Variants in POLR1C observed in about 807,000 individuals in gnomAD.
POLR1C encodes DNA-directed RNA polymerases I and III subunit RPAC1.
Under a neutral mutation model 38.3 loss-of-function variants are expected in POLR1C, and 42 were observed. That is an observed-to-expected ratio of 1.10 (90% CI 0.86 to 1.42). The LOEUF (loss-of-function observed/expected upper bound fraction) is 1.42. POLR1C is among the 40% of genes most tolerant of loss of function. The pLI, the probability that POLR1C is intolerant of heterozygous loss-of-function variation, is 0.00. For synonymous variants in POLR1C, 163 were observed against 163.9 expected, an observed-to-expected ratio of 0.99 and a Z score of 0.04; for missense variants, 507 against 450.5, an observed-to-expected ratio of 1.13 and a Z score of -1.14.
At chr6:43,560,889 C>T (rs374179626) in intron 10 of POLR1C, 1 of 1,553,256 alleles carries the variant, frequency 6.4e-7, no homozygotes, top group South Asian at 1.1e-5. Flanking sequence ...GTTCACCTAA[C>T]TAAACTTTTG....
At chr6:43,553,487 T>A in intron 10 of POLR1C, 1 of 1,558,696 alleles carries the variant, frequency 6.4e-7, no homozygotes, top group Non-Finnish European at 8.7e-7. Flanking sequence ...CTTCTCCAGT[T>A]CCAACTGCAG....
chr6:43,523,810 T>C (rs1296824416), downstream of POLR1C: 1 of 1,613,500 alleles, frequency 6.2e-7, no homozygotes, highest in Non-Finnish European at 8.5e-7. Context: ...AGAGATCGGC[T>C]ACAAAGGGAA....
chr6:43,562,029 T>C, exon 11 of POLR1C: 1 of 401,742 alleles, frequency 2.5e-6, no homozygotes, highest in East Asian at 4.0e-5. Context: ...CGTGGATATC[T>C]GACGTTGGTA....
intron 10 of POLR1C, among the ~76,000 whole-genome samples, chr6:43,557,329 G>A (rs1327693008): frequency 5.3e-5 from 8 of 151,294 alleles, no homozygotes. Flanking sequence ...AGGAGGCTGA[G>A]GCAGGAGAAT....
At chr6:43,542,274 G>C (rs1201081018) in intron 9 of POLR1C, among the ~76,000 whole-genome samples, 1 of 152,022 alleles carries the variant, frequency 6.6e-6, no homozygotes, top group African/African-American at 2.4e-5. Context: ...GTTTCATGTG[G>C]CAAGTGGCTT....
chr6:43,551,587 C>CT, intron 10 of POLR1C: 1 of 1,055,650 alleles, frequency 9.5e-7, no homozygotes. Context: ...CACAGTGGCA[C>CT]AATCATCACT....
At chr6:43,528,206 C>A in intron 8 of POLR1C, 1 of 1,589,982 alleles carries the variant, frequency 6.3e-7, no homozygotes, top group East Asian at 2.3e-5. Flanking sequence ...GAGAAAGCCT[C>A]TGGGAAAACA....
chr6:43,556,171 T>C (rs1391324349), intron 10 of POLR1C: 20 of 564,640 alleles, frequency 3.5e-5, no homozygotes, highest in Non-Finnish European at 5.8e-5. Context: ...GAAACTGTAT[T>C]ACCAGCTAGA....
At chr6:43,519,581 T>C in intron 3 of POLR1C, 125 bp from the exon 4 acceptor site, 18 of 1,489,394 alleles carry the variant, frequency 1.2e-5, no homozygotes, top group Non-Finnish European at 1.7e-5. Flanking sequence ...TCTCATTCTT[T>C]GTAAATTTCT....
chr6:43,531,348 A>T, downstream of POLR1C: 1 of 802,596 alleles, frequency 1.2e-6, no homozygotes, highest in Non-Finnish European at 2.0e-6. Flanking sequence ...ATTTAACACT[A>T]GAATGATAAG....
Position 43,553,601 on chromosome 6 carries a change from G to C in POLR1C, c.*48+2590G>C, listed in dbSNP as rs1216299954. On this transcript the variant is annotated intron_variant, in intron 10 of 10. Coordinates refer to the POLR1C transcript ENST00000607635. ...GACACAGAGAGACAATGGAGCCTTA[G>C]AGAACACCTGAGAATTTCATGATTG... 3 of 1,456,538 alleles carry C rather than the reference G, an allele frequency of 2.1e-6. No individual in the cohort carries two copies. The East Asian group carries it at 7.6e-5, about 37-fold the overall frequency. The allele number at this position is 1,456,538 out of a possible 1,614,324, so 90.2% of individuals were successfully genotyped here.
chr6:43,538,654 T>A (rs1429845086), intron 9 of POLR1C, among the ~76,000 whole-genome samples: 3 of 152,200 alleles, frequency 2.0e-5, no homozygotes, highest in Non-Finnish European at 4.4e-5. Flanking sequence ...GGGATTTTCG[T>A]CTCTATGTTT....
downstream of POLR1C, chr6:43,523,806 C>T (rs752163480): frequency 6.2e-6 from 10 of 1,612,910 alleles, no homozygotes; most frequent in Admixed American, 5.0e-5. Context: ...GCCTAGAGAT[C>T]GGCTACAAAG....
chr6:43,539,714 CTCGG>C (rs1561871545), intron 9 of POLR1C: 4 of 659,718 alleles, frequency 6.1e-6, no homozygotes, highest in Non-Finnish European at 1.0e-5. Flanking sequence ...TTGGTGTTTT[CTCGG>C]AGAAGAAGCT....
In POLR1C at chr6:43,520,163, C is replaced by T. The variant is rs745325916; in HGVS notation, c.480C>T (p.Asn160=). 8.1e-6 allele frequency: 13 copies of T among 1,614,084 alleles called. No individual in the cohort carries two copies. The East Asian group carries it at 1.3e-4, about 17-fold the overall frequency. ...CTGCTAAAGATTCCTCTGACCCCAA[C>T]GAACTGTACGTGAACCACAAAGGTG... is the stretch of plus-strand genomic sequence containing the variant. The part of the protein sequence containing the change: ...PHAAKDSSDP[N]ELYVNHKVYT... The change falls in exon 5 of 9, where the codon AAC becomes AAT. Residue 160 remains asparagine, a synonymous_variant. Transcript: ENST00000642195.
intron 8 of POLR1C, chr6:43,526,724 CCTT>C (rs1793618494): frequency 1.9e-6 from 3 of 1,613,778 alleles, no homozygotes; most frequent in African/African-American, 1.3e-5. Context: ...TGGTCAGCAC[CCTT>C]CTTTGAAACA....
rs375523237 is a variant in POLR1C at position 43,527,620 on chromosome 6, G to A, written c.923-1629G>A. On this transcript the variant is annotated intron_variant, in intron 8 of 8. Transcript: ENST00000304004. ...GAAAATCCTCTATAGCCCCAGTTTC[G>A]ACATGCCACTTACTGATTAGGTCCA... The A allele has an allele frequency of 7.5e-5, 121 of 1,613,302 alleles. 1 individual carries two copies. Among genetic ancestry groups the A allele is most frequent in the South Asian group, 2.3e-4 (21 of 91,036 alleles).
chr6:43,524,064 C>T, downstream of POLR1C: 1 of 1,581,516 alleles, frequency 6.3e-7, no homozygotes. Flanking sequence ...TTAAAAGATT[C>T]TCTTGGCCCG....
At chr6:43,534,944 G>A (rs1020533635) in intron 9 of POLR1C, among the ~76,000 whole-genome samples, 2 of 151,846 alleles carry the variant, frequency 1.3e-5, no homozygotes, top group East Asian at 1.9e-4. Flanking sequence ...GTGGTGAGCC[G>A]AGATCATACC....
Sources: allele counts gnomAD v4.1 joint callset (sites outside exome capture counted in the v4.1 genomes callset), GRCh38; gene constraint gnomAD v4.1.1; transcripts MANE v1.5; gene names NCBI Gene and HGNC (gene_info 2026-07-23, HGNC 2026-07-21).